CACNA1C: variants seen among roughly 807,000 people sequenced by gnomAD.
CACNA1C encodes the protein voltage-dependent L-type calcium channel subunit alpha-1C.
Under a neutral mutation model 229.0 loss-of-function variants are expected in CACNA1C, and 30 were observed. The ratio of observed to expected loss-of-function variants is 0.13; its 90% confidence interval spans 0.10 to 0.18. The LOEUF is 0.18. Among genes scored for constraint, CACNA1C ranks in the 10% least tolerant of loss-of-function variants. The probability of loss-of-function intolerance (pLI) is 1.00; values close to 1 mark genes in which losing one functional copy is unlikely to be tolerated. For missense variants in CACNA1C, 1,658 were observed against 2,845.0 expected, an observed-to-expected ratio of 0.58 and a Z score of 9.49; for synonymous variants, 1,114 against 1,132.5, an observed-to-expected ratio of 0.98 and a Z score of 0.33.
chr12:2,218,016 G>C (rs1322522660), intron 3 of CACNA1C: 1 of 152,154 alleles, frequency 6.6e-6, no homozygotes, highest in Non-Finnish European at 1.5e-5. Context: ...GAGAGCTTCG[G>C]AGAAGCCCTG....
intron 1 of CACNA1C, among the ~76,000 whole-genome samples, chr12:2,105,900 C>G (rs2078239633): frequency 3.1e-5 from 1 of 32,162 alleles, no homozygotes; most frequent in Non-Finnish European, 7.6e-5. Context: ...GGCGCCCACC[C>G]CGGGGAGGGT....
chr12:2,535,704 T>TAAAAAAAAAAAAAAA (rs758857733), intron 9 of CACNA1C, among the ~76,000 whole-genome samples: 1 of 36,562 alleles, frequency 2.7e-5, no homozygotes, highest in Admixed American at 4.3e-4. Context: ...AGACCCTGTC[T>TAAAAAAAAAAAAAAA]AAAAAAAAAA....
chr12:2,593,471 A>G (rs1477101960), intron 19 of CACNA1C, 126 bp downstream of exon 19: 4 of 876,634 alleles, frequency 4.6e-6, no homozygotes, highest in Non-Finnish European at 6.7e-6. Flanking sequence ...AATTGTATAA[A>G]CAGGCACTCA....
At chr12:2,593,086 T>A in intron 18 of CACNA1C, 127 bp from the exon 19 acceptor site, 1 of 1,006,916 alleles carries the variant, frequency 9.9e-7, no homozygotes, top group East Asian at 2.6e-5. Flanking sequence ...GACAGCAGAA[T>A]GTCTGTCTTG....
chr12:2,596,183 C>A lies in CACNA1C; in HGVS notation c.2793+180C>A. 3 of 522,274 alleles carry A rather than the reference C, an allele frequency of 5.7e-6. No individual in the cohort carries two copies. In the South Asian group the frequency reaches 1.3e-4, roughly 22 times the overall value. 32.4% of individuals were successfully genotyped at this position (522,274 alleles called of 1,614,324 possible). A position where few individuals can be genotyped will look rare whatever the true frequency, so the allele number is the denominator to read the frequency against. On this transcript the variant is annotated intron_variant, in intron 20 of 46. Coordinates refer to ENST00000399655, the MANE Select transcript of CACNA1C (RefSeq NM_000719.7). ...TAGAAAACCACCCTAGGACCACAAG[C>A]AAATAAAAGAGCATGTACCCAAATG...
chr12:2,404,946 A>G (rs12823424), intron 3 of CACNA1C, among the ~76,000 whole-genome samples: 35,176 of 152,114 alleles, frequency 0.23, 4,733 homozygotes, highest in South Asian at 0.32. Context: ...TGCACAGGAC[A>G]TAGTAGATCT....
intron 3 of CACNA1C, among the ~76,000 whole-genome samples, chr12:2,429,514 T>G (rs566863320): frequency 7.9e-5 from 12 of 152,264 alleles, no homozygotes; most frequent in African/African-American, 2.9e-4. Flanking sequence ...CGTAGTCCAG[T>G]GGGGTAAACC....
intron 3 of CACNA1C, among the ~76,000 whole-genome samples, chr12:2,270,615 G>A (rs747211843): frequency 2.0e-5 from 3 of 152,184 alleles, no homozygotes; most frequent in Non-Finnish European, 4.4e-5. Context: ...CCACGGCCAT[G>A]CCACCCAGCC....
At position 2,677,758 on chromosome 12, in the gene CACNA1C, T is replaced by A; in HGVS notation, c.4982T>A (p.Ile1661Asn). 6.2e-7 allele frequency: 1 copy of A among 1,613,728 alleles called. No individual in the cohort carries two copies. The highest frequency in any genetic ancestry group is 8.5e-7 in the Non-Finnish European group (1 of 1,179,824). The change falls in exon 41 of 47, where the codon ATC (isoleucine) becomes AAC (asparagine). Residue 1661 changes from isoleucine to asparagine, a missense_variant. Ile to Asn is a moderately radical substitution (Grantham distance 149). Around this residue, in one of 20 missense-constraint regions of CACNA1C, gnomAD observed 590 missense variants for 700.8 expected, o/e 0.84. Coordinates refer to ENST00000399655, the MANE Select transcript of CACNA1C (RefSeq NM_000719.7). The surrounding 1 kb of genome is among the most constrained non-coding windows in gnomAD (Gnocchi z 7.4). ...GCTGGCTTGCGCACACTGCATGACA[T>A]CGGGCCTGAGATCCGACGGGCCATC... ...LQAGLRTLHDIGPEIRRAISG... is the reference protein window; with the variant it reads ...LQAGLRTLHDNGPEIRRAISG...
intron 3 of CACNA1C, among the ~76,000 whole-genome samples, chr12:2,447,515 A>T (rs999142211): frequency 6.6e-6 from 1 of 152,300 alleles, no homozygotes; most frequent in East Asian, 1.9e-4. Context: ...GATCTGTTTC[A>T]GTAGGTCTGG....
At chr12:2,664,507 C>T (rs1328525275) in intron 34 of CACNA1C, among the ~76,000 whole-genome samples, 1 of 152,116 alleles carries the variant, frequency 6.6e-6, no homozygotes. Context: ...AGAGCATACT[C>T]CTGTACAGCA....
intron 3 of CACNA1C, among the ~76,000 whole-genome samples, chr12:2,182,424 C>A (rs1429508820): frequency 6.6e-6 from 1 of 152,044 alleles, no homozygotes; most frequent in Admixed American, 6.6e-5. Context: ...TTTTCCCCCT[C>A]CTAAACCACC....
At chr12:2,593,109 C>T (rs2066257249) in intron 18 of CACNA1C, 104 bp from the exon 19 acceptor site, 6 of 1,313,524 alleles carry the variant, frequency 4.6e-6, no homozygotes, top group Non-Finnish European at 6.3e-6. Flanking sequence ...TGGTACCCTA[C>T]ATTTTCAGAG....
chr12:2,677,374 G>A lies in CACNA1C; in HGVS notation c.4956+153G>A. ...GCTCCAGACCTTTCCAAAGATGGCT[G>A]TGAGAAGGGGGTGATGTGCCCTTCC... On this transcript the variant is annotated intron_variant, in intron 40 of 46. Coordinates refer to ENST00000399655, the MANE Select transcript of CACNA1C (RefSeq NM_000719.7). This position sits in a 1 kb window ranked among gnomAD's most constrained non-coding sequence, Gnocchi z 7.4. 4 of 834,284 alleles carry A rather than the reference G, an allele frequency of 4.8e-6. No homozygotes were observed. The highest frequency in any genetic ancestry group is 1.9e-5 in the South Asian group (1 of 52,804). The allele number at this position is 834,284 out of a possible 1,614,324, so 51.7% of individuals were successfully genotyped here. A position where few individuals can be genotyped will look rare whatever the true frequency, so the allele number is the denominator to read the frequency against.
intron 1 of CACNA1C, among the ~76,000 whole-genome samples, chr12:1,993,645 T>C (rs768206163): frequency 3.4e-5 from 5 of 149,190 alleles, no homozygotes; most frequent in Non-Finnish European, 7.5e-5. Context: ...TGTGTGTGTG[T>C]GTGTGTGTGT....
chr12:2,006,707 C>T (rs2043529724), intron 1 of CACNA1C, among the ~76,000 whole-genome samples: 2 of 152,232 alleles, frequency 1.3e-5, no homozygotes, highest in Non-Finnish European at 2.9e-5. Context: ...GTCCTATTGA[C>T]TCCCAAGCCT....
intron 3 of CACNA1C, among the ~76,000 whole-genome samples, chr12:2,166,821 G>A (rs1198195466): frequency 6.6e-6 from 1 of 152,228 alleles, no homozygotes; most frequent in African/African-American, 2.4e-5. Flanking sequence ...CTCACCTTGG[G>A]AAAAGTGGGG....
intron 3 of CACNA1C, among the ~76,000 whole-genome samples, chr12:2,247,538 G>A (rs375689447): frequency 2.0e-5 from 3 of 152,260 alleles, no homozygotes; most frequent in Admixed American, 6.5e-5. Context: ...GACTTCATCC[G>A]CCTGGTGGGC....
intron 29 of CACNA1C, among the ~76,000 whole-genome samples, chr12:2,619,044 A>T (rs1477003565): frequency 6.6e-6 from 1 of 152,178 alleles, no homozygotes; most frequent in African/African-American, 2.4e-5. Flanking sequence ...ATTTTGCTTT[A>T]TGTCTTCGCT....
Sources: gnomAD v4.1 joint callset for allele counts (sites outside exome capture counted in the v4.1 genomes callset) on GRCh38, gnomAD v4.1.1 for gene constraint, gnomAD v4.1.1 regional missense constraint, Gnocchi (gnomAD v3.1) non-coding constraint, MANE v1.5 for transcripts, NCBI Gene and HGNC (gene_info 2026-07-23, HGNC 2026-07-21) for gene names.